PRKD1: variants seen among roughly 807,000 people sequenced by gnomAD.
The protein encoded by PRKD1 is protein kinase D1.
A neutral mutation model predicts 95.9 loss-of-function variants in PRKD1; 63 were observed. The observed-to-expected ratio is 0.66, with a 90% confidence interval of 0.54 to 0.81. PRKD1 has a LOEUF of 0.81. Among genes scored for constraint, PRKD1 ranks in the 30% least tolerant of loss-of-function variants. The pLI is 0.00. For missense variants in PRKD1, 1,048 were observed against 1,165.3 expected, an observed-to-expected ratio of 0.90 and a Z score of 1.47; for synonymous variants, 425 against 423.1, an observed-to-expected ratio of 1.00 and a Z score of -0.05.
intron 4 of PRKD1, among the ~76,000 whole-genome samples, chr14:29,661,875 T>C (rs983995149): frequency 2.0e-5 from 3 of 152,214 alleles, no homozygotes; most frequent in African/African-American, 7.2e-5. Flanking sequence ...ACAAGCATTC[T>C]TGACAAAGTC....
intron 13 of PRKD1, among the ~76,000 whole-genome samples, chr14:29,603,474 T>C (rs1224147952): frequency 3.3e-5 from 5 of 152,184 alleles, no homozygotes. Flanking sequence ...GAATATGCCG[T>C]TAGCCTAGAG....
At chr14:29,782,477 ATTCTT>A (rs1441626714) in intron 1 of PRKD1, among the ~76,000 whole-genome samples, 2 of 152,034 alleles carry the variant, frequency 1.3e-5, no homozygotes, top group East Asian at 3.8e-4. Context: ...TCTTTTTTTC[ATTCTT>A]TTATTAAAAT....
chr14:29,637,886 C>T (rs1405729262), intron 6 of PRKD1, among the ~76,000 whole-genome samples: 1 of 152,120 alleles, frequency 6.6e-6, no homozygotes, highest in Non-Finnish European at 1.5e-5. Context: ...GTATAAAGAC[C>T]ACTATCTGCA....
At chr14:29,653,009 G>A (rs550419719) in intron 4 of PRKD1, among the ~76,000 whole-genome samples, 1 of 152,212 alleles carries the variant, frequency 6.6e-6, no homozygotes, top group Non-Finnish European at 1.5e-5. Context: ...TTAAATAAAT[G>A]AAAACAGTAA....
At chr14:29,701,388 A>G (rs1448647102) in intron 2 of PRKD1, among the ~76,000 whole-genome samples, 1 of 152,228 alleles carries the variant, frequency 6.6e-6, no homozygotes, top group African/African-American at 2.4e-5. Context: ...TGATTTATCC[A>G]TTGATGAACA....
intron 2 of PRKD1, among the ~76,000 whole-genome samples, chr14:29,676,821 T>C (rs941403176): frequency 9.2e-5 from 14 of 152,208 alleles, no homozygotes; most frequent in African/African-American, 2.2e-4. Context: ...AGTGTCACAA[T>C]AGTAAATAAA....
intron 2 of PRKD1, among the ~76,000 whole-genome samples, chr14:29,685,743 T>G (rs1883823954): frequency 6.6e-6 from 1 of 151,840 alleles, no homozygotes; most frequent in Non-Finnish European, 1.5e-5. Context: ...TCTGTGTGTG[T>G]GTGTGTGTGT....
chr14:29,746,461 C>T (rs1374540662), intron 1 of PRKD1, among the ~76,000 whole-genome samples: 5 of 152,102 alleles, frequency 3.3e-5, no homozygotes, highest in African/African-American at 1.2e-4. Flanking sequence ...CACTGGTACA[C>T]ACTGTCATCT....
intron 1 of PRKD1, among the ~76,000 whole-genome samples, chr14:29,744,476 G>GA (rs1455826583): frequency 2.0e-5 from 3 of 151,992 alleles, no homozygotes; most frequent in Non-Finnish European, 4.4e-5. Flanking sequence ...TGAATTAACT[G>GA]CACAAGCCAC....
chr14:29,597,470 T>C (rs545607192), intron 16 of PRKD1, 21 bp downstream of exon 16: 1 of 1,552,688 alleles, frequency 6.4e-7, no homozygotes, highest in Admixed American at 1.8e-5. Context: ...ATTATTATCA[T>C]TTTTGAATGG....
chr14:29,814,356 G>C lies in PRKD1; in HGVS notation c.265-88682C>G, dbSNP rs975436754. Among the ~76,000 whole-genome samples the C allele has an allele frequency of 2.0e-5, 3 of 152,184 alleles. No homozygotes were observed. The East Asian group carries it at 5.8e-4, about 29-fold the overall frequency. On this transcript the variant is annotated intron_variant, in intron 1 of 17. Transcript: ENST00000331968. ...TCCTCTTTCCAAGTTTCAGCCTGGA[G>C]TCTAACAAAAAGCACTTAAGAACCT...
At chr14:29,754,300 T>A (rs1887603759) in intron 1 of PRKD1, among the ~76,000 whole-genome samples, 1 of 152,206 alleles carries the variant, frequency 6.6e-6, no homozygotes, top group Non-Finnish European at 1.5e-5. Flanking sequence ...ATTAGTGTTG[T>A]CCACGCTGTC....
intron 8 of PRKD1, among the ~76,000 whole-genome samples, chr14:29,633,349 C>T (rs1407415245): frequency 6.6e-6 from 1 of 152,236 alleles, no homozygotes; most frequent in South Asian, 2.1e-4. Flanking sequence ...TATTTTAGGA[C>T]GTAAGAAATC....
intron 2 of PRKD1, among the ~76,000 whole-genome samples, chr14:29,717,972 T>A (rs1329742368): frequency 6.6e-6 from 1 of 152,088 alleles, no homozygotes; most frequent in African/African-American, 2.4e-5. Flanking sequence ...AGGAGATAAA[T>A]AACCAAGAAA....
chr14:29,675,873 G>GC (rs1397806749), intron 2 of PRKD1, among the ~76,000 whole-genome samples: 2 of 150,788 alleles, frequency 1.3e-5, no homozygotes, highest in Non-Finnish European at 2.9e-5. Context: ...GCAAACTATC[G>GC]CAAGGACAAA....
chr14:29,629,338 C>A (rs1053085358), intron 10 of PRKD1, among the ~76,000 whole-genome samples: 1 of 152,164 alleles, frequency 6.6e-6, no homozygotes, highest in Non-Finnish European at 1.5e-5. Context: ...GACTTGGATT[C>A]AAATACTGGC....
At chr14:29,878,152 G>A (rs1175396863) in intron 1 of PRKD1, among the ~76,000 whole-genome samples, 1 of 152,140 alleles carries the variant, frequency 6.6e-6, no homozygotes, top group African/African-American at 2.4e-5. Flanking sequence ...CTACTTAAGG[G>A]TGGAGGGTGG....
intron 1 of PRKD1, among the ~76,000 whole-genome samples, chr14:29,744,319 T>C (rs1005218307): frequency 6.6e-6 from 1 of 152,200 alleles, no homozygotes; most frequent in East Asian, 1.9e-4. Context: ...TGGATTTATC[T>C]TTGAATTTTC....
At chr14:29,853,375 T>G (rs548859757) in intron 1 of PRKD1, among the ~76,000 whole-genome samples, 1 of 152,330 alleles carries the variant, frequency 6.6e-6, no homozygotes, top group South Asian at 2.1e-4. Context: ...TAATTGTAGC[T>G]TTCATTTGTA....
Sources: gnomAD v4.1 joint callset for allele counts (sites outside exome capture counted in the v4.1 genomes callset) on GRCh38, gnomAD v4.1.1 for gene constraint, MANE v1.5 for transcripts, NCBI Gene and HGNC (gene_info 2026-07-23, HGNC 2026-07-21) for gene names.